The following MAP1B variants were observed in gnomAD, a reference collection of about 807,000 sequenced individuals.
The protein encoded by MAP1B is microtubule-associated protein 1B.
A neutral mutation model predicts 176.1 loss-of-function variants in MAP1B; 12 were observed. That is an observed-to-expected ratio of 0.07 (90% CI 0.04 to 0.11). The LOEUF (loss-of-function observed/expected upper bound fraction) is 0.11. Ranked by LOEUF, MAP1B falls within the 10% of genes least tolerant of loss-of-function variation. The pLI is 1.00. For synonymous variants in MAP1B, 1,044 were observed against 1,135.0 expected, an observed-to-expected ratio of 0.92 and a Z score of 1.61; for missense variants, 2,523 against 2,990.5, an observed-to-expected ratio of 0.84 and a Z score of 3.65.
At chr5:72,117,556 G>A (rs1237837887) in intron 2 of MAP1B, among the ~76,000 whole-genome samples, 1 of 152,192 alleles carries the variant, frequency 6.6e-6, no homozygotes, top group African/African-American at 2.4e-5. Flanking sequence ...CCAAGACCTA[G>A]TATTGCTCCT....
In MAP1B at chr5:72,196,548, C is replaced by T. The variant is rs1346216546; in HGVS notation, c.3193C>T (p.Leu1065Phe). ...AGGAEEQYGF[L>F]TTPTKQLGAQ... Reference sequence around the variant, plus strand: ...TGGTGCCGAGGAGCAGTATGGATTCCTCACCACACCAACCAAGCAACTAGG... The same window carrying T: ...TGGTGCCGAGGAGCAGTATGGATTCTTCACCACACCAACCAAGCAACTAGG... Residue 1065 changes from leucine to phenylalanine, a missense_variant, in exon 5 of 7, where the codon CTC (leucine) becomes TTC (phenylalanine). Leu to Phe is a conservative substitution (Grantham distance 22). Around this residue, in one of 4 missense-constraint regions of MAP1B, gnomAD observed 1,925 missense variants for 2,126.0 expected, o/e 0.91. Transcript: ENST00000296755. This position sits in a 1 kb window ranked among gnomAD's most constrained non-coding sequence, Gnocchi z 5.3. 1 of 1,613,730 alleles carries T rather than the reference C, an allele frequency of 6.2e-7. No individual in the cohort carries two copies. The highest frequency in any genetic ancestry group is 1.1e-5 in the South Asian group (1 of 91,074).
At chr5:72,160,152 G>A (rs1746300895) in intron 2 of MAP1B, among the ~76,000 whole-genome samples, 1 of 151,578 alleles carries the variant, frequency 6.6e-6, no homozygotes, top group African/African-American at 2.4e-5. Flanking sequence ...GAAGGTAGGA[G>A]GGAGGATGTT....
chr5:72,153,839 T>C (rs955216446), intron 2 of MAP1B, among the ~76,000 whole-genome samples: 2 of 152,138 alleles, frequency 1.3e-5, no homozygotes, highest in African/African-American at 4.8e-5. Context: ...TGGGACCTTA[T>C]GAGCAGTGTT....
chr5:72,112,856 T>A (rs1745368703), intron 1 of MAP1B, among the ~76,000 whole-genome samples: 1 of 152,162 alleles, frequency 6.6e-6, no homozygotes, highest in Non-Finnish European at 1.5e-5. Context: ...TGGTGTATAT[T>A]GGGGTGAAAA....
intron 1 of MAP1B, among the ~76,000 whole-genome samples, chr5:72,108,464 T>C (rs555855334): frequency 5.1e-4 from 77 of 152,242 alleles, no homozygotes; most frequent in African/African-American, 1.5e-3. Context: ...TCGGGAGTGG[T>C]AGCTTGAAGG....
rs1353119911 is a variant in MAP1B at position 72,208,530 on chromosome 5, G to A, written c.*3291G>A. The A allele has an allele frequency of 6.6e-6, 1 of 152,100 alleles. No individual in the cohort carries two copies. The highest frequency in any genetic ancestry group is 1.5e-5 in the Non-Finnish European group (1 of 68,018). 9.4% of individuals were successfully genotyped at this position (152,100 alleles called of 1,614,324 possible). A position where few individuals can be genotyped will look rare whatever the true frequency, so the allele number is the denominator to read the frequency against. On this transcript the variant is annotated 3_prime_UTR_variant, in exon 7 of 7. Coordinates refer to ENST00000296755, the MANE Select transcript of MAP1B (RefSeq NM_005909.5). ...GCCCTGTGCATGCTTTCTCAGTCTT[G>A]TGGTGGGACTGGATACAATGACTAA...
intron 2 of MAP1B, among the ~76,000 whole-genome samples, chr5:72,133,292 T>C (rs1745768314): frequency 6.6e-6 from 1 of 152,212 alleles, no homozygotes; most frequent in Non-Finnish European, 1.5e-5. Flanking sequence ...CAGCTCAGGC[T>C]GTAACGCAGA....
At chr5:72,147,911 A>G (rs1488799613) in intron 2 of MAP1B, among the ~76,000 whole-genome samples, 1 of 152,212 alleles carries the variant, frequency 6.6e-6, no homozygotes, top group African/African-American at 2.4e-5. Flanking sequence ...CCAAGTTAAC[A>G]TGAAAATTAA....
In MAP1B at chr5:72,116,022, C is replaced by T. The variant is rs528015829; in HGVS notation, c.286+223C>T. 310 of 448,966 alleles carry T rather than the reference C, an allele frequency of 6.9e-4. 5 individuals are homozygous for T. The highest frequency in any genetic ancestry group is 6.6e-3 in the South Asian group (298 of 45,442). 27.8% of individuals were successfully genotyped at this position (448,966 alleles called of 1,614,324 possible). ...TGGATTCTTAATGAGTTTTTAAGTT[C>T]TAGGGTTGTGTATGTGTATATATAT... On this transcript the variant is annotated intron_variant, in intron 2 of 6. Coordinates refer to ENST00000296755, the MANE Select transcript of MAP1B (RefSeq NM_005909.5).
At chr5:72,123,095 T>C (rs1486123437) in intron 2 of MAP1B, among the ~76,000 whole-genome samples, 1 of 152,136 alleles carries the variant, frequency 6.6e-6, no homozygotes, top group Admixed American at 6.5e-5. Context: ...TGGTGGAAGA[T>C]GAAGAATAAA....
rs1476336125 is a variant in MAP1B at position 72,208,001 on chromosome 5, G to GA, written c.*2767dup. 3.5e-5 allele frequency: 5 copies of GA among 142,890 alleles called. No individual in the cohort carries two copies. In the East Asian group the frequency reaches 1.0e-3, roughly 29 times the overall value. The allele number at this position is 142,890 out of a possible 1,614,324, so 8.9% of individuals were successfully genotyped here. ...TTTTTTTTGCTATGGGATTTAATGG[G>GA]AAAAATATGTAAAAACTGTCACTAG... On this transcript the variant is annotated 3_prime_UTR_variant, in exon 7 of 7. Coordinates refer to ENST00000296755, the MANE Select transcript of MAP1B (RefSeq NM_005909.5).
chr5:72,108,157 AG>A (rs1260023084), intron 1 of MAP1B, among the ~76,000 whole-genome samples: 2 of 152,122 alleles, frequency 1.3e-5, no homozygotes, highest in African/African-American at 2.4e-5. Flanking sequence ...CCCATGTGCC[AG>A]GGCCCGCGTG....
intron 2 of MAP1B, among the ~76,000 whole-genome samples, chr5:72,174,116 C>T (rs1029927497): frequency 6.6e-6 from 1 of 152,078 alleles, no homozygotes; most frequent in African/African-American, 2.4e-5. Flanking sequence ...GGTGACAGAG[C>T]GAGAAACCTC....
chr5:72,196,262 C>T lies in MAP1B; in HGVS notation c.2907C>T (p.His969=). 1.2e-6 allele frequency: 2 copies of T among 1,613,984 alleles called. No individual in the cohort carries two copies. Among genetic ancestry groups the T allele is most frequent in the Non-Finnish European group, 1.7e-6 (2 of 1,180,028 alleles). The change falls in exon 5 of 7, where the codon CAC becomes CAT. Residue 969 remains histidine (H), a synonymous_variant. Transcript: ENST00000296755. The surrounding 1 kb of genome is among the most constrained non-coding windows in gnomAD (Gnocchi z 5.3). ...EEHVCVSASK[H]SPTEDEESAK... ...ACGTATGTGTGAGCGCCTCCAAGCA[C>T]AGCCCCACTGAGGATGAGGAAAGTG... is the stretch of plus-strand genomic sequence containing the variant.
chr5:72,136,021 G>A (rs918815438), intron 2 of MAP1B, among the ~76,000 whole-genome samples: 1 of 152,174 alleles, frequency 6.6e-6, no homozygotes, highest in Admixed American at 6.5e-5. Context: ...AGGAAACTTT[G>A]GAGTGTTCTA....
chr5:72,195,805 T>C lies in MAP1B; in HGVS notation c.2450T>C (p.Ile817Thr), dbSNP rs764301473. ...ATGGCGGCAGCTGGAATAGCAGCCA[T>C]TGGCCCTGCCAAAGAACTCGAAGCT... is the stretch of plus-strand genomic sequence containing the variant. The part of the protein sequence containing the change: ...AVMAAAGIAA[I>T]GPAKELEAER... The change falls in exon 5 of 7, where the codon ATT becomes ACT. Residue 817 changes from isoleucine (I) to threonine (T), a missense_variant. Ile to Thr is a moderately conservative substitution (Grantham distance 89, BLOSUM62 -1). Around this residue, in one of 4 missense-constraint regions of MAP1B, gnomAD observed 1,925 missense variants for 2,126.0 expected, o/e 0.91. Coordinates refer to ENST00000296755, the MANE Select transcript of MAP1B (RefSeq NM_005909.5). 4 of 1,614,256 alleles carry C rather than the reference T, an allele frequency of 2.5e-6. No individual in the cohort carries two copies. The highest frequency in any genetic ancestry group is 2.2e-5 in the East Asian group (1 of 44,880).
At chr5:72,129,120 T>C (rs538071878) in intron 2 of MAP1B, among the ~76,000 whole-genome samples, 1 of 152,332 alleles carries the variant, frequency 6.6e-6, no homozygotes, top group Non-Finnish European at 1.5e-5. Context: ...TATCTTTAGA[T>C]CCTAGGAAGA....
intron 1 of MAP1B, among the ~76,000 whole-genome samples, chr5:72,112,441 A>G (rs1249825652): frequency 6.6e-6 from 1 of 152,188 alleles, no homozygotes; most frequent in Non-Finnish European, 1.5e-5. Context: ...ACACACCAAG[A>G]GTACCTGACT....
In MAP1B at chr5:72,207,036, T is replaced by A. The variant is rs549956179; in HGVS notation, c.*1797T>A. ...GATTTTCTTTTCTGGAAAAAAAAAA[T>A]AAAAGAAATAGTACATTGAAAACAA... On this transcript the variant is annotated 3_prime_UTR_variant, in exon 7 of 7. Transcript: ENST00000296755. 6.6e-6 allele frequency: 1 copy of A among 151,952 alleles called. No homozygotes were observed. Among genetic ancestry groups the A allele is most frequent in the Admixed American group, 6.6e-5 (1 of 15,264 alleles). 9.4% of individuals were successfully genotyped at this position (151,952 alleles called of 1,614,324 possible).
Sources: gnomAD v4.1 joint callset for allele counts (sites outside exome capture counted in the v4.1 genomes callset) on GRCh38, gnomAD v4.1.1 for gene constraint, gnomAD v4.1.1 regional missense constraint, Gnocchi (gnomAD v3.1) non-coding constraint, MANE v1.5 for transcripts, NCBI Gene and HGNC (gene_info 2026-07-23, HGNC 2026-07-21) for gene names.